The following RELT variants were observed in gnomAD, a reference collection of about 807,000 sequenced individuals.
The protein encoded by RELT is RELT TNF receptor.
Under a neutral mutation model 51.1 loss-of-function variants are expected in RELT, and 37 were observed. The observed-to-expected ratio is 0.72, with a 90% CI of 0.56 to 0.95. The LOEUF is 0.95. Among genes scored for constraint, RELT ranks in the 40% least tolerant of loss-of-function variants. RELT has a pLI of 0.00. For synonymous variants in RELT, 241 were observed against 235.7 expected, an observed-to-expected ratio of 1.02 and a Z score of -0.21; for missense variants, 535 against 572.6, an observed-to-expected ratio of 0.93 and a Z score of 0.67.
chr11:73,395,130 G>A lies in RELT; in HGVS notation c.1090G>A (p.Val364Met), dbSNP rs1866292230. ...TCCTGAGCAGCGGACAAGTTCAATG[G>A]TGTCTGAGGTGAAGACCATCACGGA... Reference protein sequence around the residue: ...RIPEQRTSSMVSEVKTITEAG... With the variant: ...RIPEQRTSSMMSEVKTITEAG... The change falls in exon 10 of 11, where the codon GTG (valine) becomes ATG (methionine). Residue 364 changes from valine to methionine, a missense_variant. By Grantham distance (21) the Val-to-Met change is conservative. Transcript: ENST00000064780. 4 of 1,613,548 alleles carry A rather than the reference G, an allele frequency of 2.5e-6. No individual in the cohort carries two copies. The highest frequency in any genetic ancestry group is 3.4e-6 in the Non-Finnish European group (4 of 1,180,014).
At chr11:73,391,346 G>A (rs1204580972) in intron 5 of RELT, 123 bp downstream of exon 5, 10 of 864,224 alleles carry the variant, frequency 1.2e-5, no homozygotes, top group Non-Finnish European at 1.8e-5. Context: ...CCAGCCCAGG[G>A]CAGGGCGTGC....
rs1866269182 is a variant in RELT, at chr11:73,394,280, A to C, written c.751A>C (p.Lys251Gln). Residue 251 changes from lysine (K) to glutamine (Q), a missense_variant, in exon 8 of 11, where the codon AAA (lysine) becomes CAA (glutamine). By Grantham distance (53) the Lys-to-Gln change is moderately conservative. Transcript: ENST00000064780. The surrounding 1 kb of genome is among the most constrained non-coding windows in gnomAD (Gnocchi z 4.9). ...GGAGCTGCTGAAAGAGTACCACAGC[A>C]AACAGCTGGTGCAGACGAGCCACAG... The part of the protein sequence containing the change: ...LEELLKEYHS[K>Q]QLVQTSHRPV... The C allele has an allele frequency of 6.2e-7, 1 of 1,612,396 alleles. No homozygotes were observed. Among genetic ancestry groups the C allele is most frequent in the African/African-American group, 1.3e-5 (1 of 74,836 alleles).
At chr11:73,393,800 C>G in intron 6 of RELT, 37 bp from the exon 7 acceptor site, 2 of 1,606,032 alleles carry the variant, frequency 1.2e-6, no homozygotes, top group Non-Finnish European at 1.7e-6. Flanking sequence ...TGCGGCTTCC[C>G]CCTCTTCCCC....
intron 1 of RELT, among the ~76,000 whole-genome samples, chr11:73,386,602 A>G (rs1335428247): frequency 6.6e-6 from 1 of 152,074 alleles, no homozygotes; most frequent in East Asian, 1.9e-4. Flanking sequence ...GAAGGTGCGT[A>G]ATTAGAAGGT....
chr11:73,388,284 G>T lies in RELT; in HGVS notation c.-25-828G>T, dbSNP rs372058696. Among the ~76,000 whole-genome samples the T allele has an allele frequency of 2.6e-5, 4 of 152,312 alleles. No individual in the cohort carries two copies. Among genetic ancestry groups the T allele is most frequent in the African/African-American group, 9.6e-5 (4 of 41,566 alleles). ...CTGGGATGGAGCTCCCTGCAGACAG[G>T]GACCTTGTCTGTCTTGTTCATACCG... On this transcript the variant is annotated intron_variant, in intron 1 of 10. Transcript: ENST00000064780. This position sits in a 1 kb window ranked among gnomAD's most constrained non-coding sequence, Gnocchi z 4.1.
Position 73,397,266 on chromosome 11 carries a change from C to T in RELT, c.*1775C>T, listed in dbSNP as rs1229850072. Reference sequence around the variant, plus strand: ...CATAGTGGTCACCTGGGCCTTATGCCCAGGGAGCCTCCAAAGCATTCAGCT... The same window carrying T: ...CATAGTGGTCACCTGGGCCTTATGCTCAGGGAGCCTCCAAAGCATTCAGCT... On this transcript the variant is annotated 3_prime_UTR_variant, in exon 11 of 11. Coordinates refer to ENST00000064780, the MANE Select transcript of RELT (RefSeq NM_152222.2). 1 of 152,146 alleles carries T rather than the reference C, an allele frequency of 6.6e-6. No homozygotes were observed. Among genetic ancestry groups the T allele is most frequent in the Non-Finnish European group, 1.5e-5 (1 of 68,028 alleles). The allele number at this position is 152,146 out of a possible 1,614,324, so 9.4% of individuals were successfully genotyped here.
chr11:73,395,417 C>T, intron 10 of RELT, 27 bp from the exon 11 acceptor site: 1 of 1,017,260 alleles, frequency 9.8e-7, no homozygotes, highest in Non-Finnish European at 1.6e-6. Flanking sequence ...CCTGACTCAG[C>T]TCTGACCCCT....
intron 1 of RELT, among the ~76,000 whole-genome samples, chr11:73,378,464 G>C (rs1866003059): frequency 6.6e-6 from 1 of 152,210 alleles, no homozygotes; most frequent in Admixed American, 6.5e-5. Context: ...CTGAGGATCA[G>C]AGAAGCAAAG....
chr11:73,377,543 A>AT (rs1370160948), intron 1 of RELT, among the ~76,000 whole-genome samples: 1 of 151,934 alleles, frequency 6.6e-6, no homozygotes, highest in African/African-American at 2.4e-5. Context: ...GCAGCAGGGT[A>AT]GGGGCCCTGT....
At chr11:73,382,691 C>T (rs1241023575) in intron 1 of RELT, among the ~76,000 whole-genome samples, 1 of 152,194 alleles carries the variant, frequency 6.6e-6, no homozygotes, top group African/African-American at 2.4e-5. Flanking sequence ...CTCTCTGAGC[C>T]TCAGTTTTTT....
Position 73,392,346 on chromosome 11 carries a change from T to A in RELT, c.503T>A (p.Ile168Asn). Residue 168 changes from isoleucine (I) to asparagine (N), a missense_variant, in exon 6 of 11, where the codon ATC becomes AAC. Transcript: ENST00000064780. ...ETAAQYAVIA[I>N]VPVFCLMGLL... ...GCCGCCCAGTACGCGGTCATCGCCA[T>A]CGTCCCTGTCTTCTGCCTCATGGGG... The A allele has an allele frequency of 1.2e-6, 2 of 1,613,816 alleles. No individual in the cohort carries two copies. Among genetic ancestry groups the A allele is most frequent in the Non-Finnish European group, 1.7e-6 (2 of 1,179,926 alleles).
chr11:73,391,261 ATG>A (rs1866210982), intron 5 of RELT, 38 bp downstream of exon 5: 1 of 1,584,262 alleles, frequency 6.3e-7, no homozygotes, highest in African/African-American at 1.3e-5. Flanking sequence ...GTGCAGGGGT[ATG>A]TGCGGGAGGG....
In RELT at chr11:73,392,197, T is replaced by G. The variant is rs759027769; in HGVS notation, c.368-14T>G. ...CTCTGCTTTTGTCCTGCCTCCATCGTCTGTGATGCTCAGAGTGGGGGCGGC... is the reference window on the plus strand; with the variant it reads ...CTCTGCTTTTGTCCTGCCTCCATCGGCTGTGATGCTCAGAGTGGGGGCGGC... On this transcript the variant is annotated splice_polypyrimidine_tract_variant and intron_variant, in intron 5 of 10. Coordinates refer to ENST00000064780, the MANE Select transcript of RELT (RefSeq NM_152222.2). The G allele has an allele frequency of 6.2e-7, 1 of 1,609,548 alleles. No individual in the cohort carries two copies. The highest frequency in any genetic ancestry group is 1.1e-5 in the South Asian group (1 of 90,662).
At chr11:73,395,315 G>A (rs774736675) in intron 10 of RELT, 30 bp downstream of exon 10, 2 of 1,610,650 alleles carry the variant, frequency 1.2e-6, no homozygotes. Flanking sequence ...GCATCTGTTG[G>A]CACCTGGGCC....
At position 73,394,498 on chromosome 11, in the gene RELT, C is replaced by T. The variant is rs1438014554; in HGVS notation, c.810C>T (p.Asn270=). 7.5e-6 allele frequency: 12 copies of T among 1,609,862 alleles called. No individual in the cohort carries two copies. Among genetic ancestry groups the T allele is most frequent in the Admixed American group, 3.3e-5 (2 of 59,976 alleles). Residue 270 remains asparagine (N), a synonymous_variant, in exon 9 of 11, where the codon AAC becomes AAT. Coordinates refer to ENST00000064780, the MANE Select transcript of RELT (RefSeq NM_152222.2). This position sits in a 1 kb window ranked among gnomAD's most constrained non-coding sequence, Gnocchi z 4.9. ...GCAGGCTGCCGCCAGCGCCCCCGAA[C>T]GTGCCACACATCTGCCCGCACCGCC... is the stretch of plus-strand genomic sequence containing the variant. ...PVSKLPPAPP[N]VPHICPHRHH...
rs2134457231 is a variant in RELT at position 73,394,989 on chromosome 11, C to T, written c.1047-98C>T. 5.2e-6 allele frequency: 6 copies of T among 1,157,980 alleles called. No individual in the cohort carries two copies. The South Asian group carries it at 8.0e-5, about 16-fold the overall frequency. 71.7% of individuals were successfully genotyped at this position (1,157,980 alleles called of 1,614,324 possible). ...CACCCGGGCCTCTCAGGCTAAGGCT[C>T]TGGTCCATGAACTTGCTGTGTGACC... On this transcript the variant is annotated intron_variant, in intron 9 of 10. Transcript: ENST00000064780. The surrounding 1 kb of genome is among the most constrained non-coding windows in gnomAD (Gnocchi z 4.9).
intron 10 of RELT, 73 bp from the exon 11 acceptor site, chr11:73,395,371 A>G: frequency 6.9e-7 from 1 of 1,458,164 alleles, no homozygotes; most frequent in Non-Finnish European, 9.6e-7. Flanking sequence ...AGCGGGCCCT[A>G]GGCAGGGGCC....
chr11:73,390,791 C>T lies in RELT; in HGVS notation c.157C>T (p.Pro53Ser). The change falls in exon 4 of 11, where the codon CCA becomes TCA. Residue 53 changes from proline to serine, a missense_variant. Physicochemically the swap from Pro to Ser is moderately conservative, Grantham distance 74. Transcript: ENST00000064780. ...GQGTLCRPCP[P>S]GTFSAAWGSS... ...GGGCACATTATGCAGGCCCTGCCCC[C>T]CAGGCACCTTCTCAGCTGCATGGGG... is the stretch of plus-strand genomic sequence containing the variant. 6.2e-7 allele frequency: 1 copy of T among 1,611,268 alleles called. No homozygotes were observed. Among genetic ancestry groups the T allele is most frequent in the Non-Finnish European group, 8.5e-7 (1 of 1,179,136 alleles).
chr11:73,391,167 C>T lies in RELT; in HGVS notation c.311C>T (p.Pro104Leu). ...AGGTGGTTTGGGCCTTGGGGGGTTC[C>T]CCGCGTTCCATGTCAACCATGTTCC... The part of the protein sequence containing the change: ...WPGWFGPWGV[P>L]RVPCQPCSWA... The change falls in exon 5 of 11, where the codon CCC (proline) becomes CTC (leucine). Residue 104 changes from proline to leucine, a missense_variant. By Grantham distance (98) the Pro-to-Leu change is moderately conservative. Coordinates refer to ENST00000064780, the MANE Select transcript of RELT (RefSeq NM_152222.2). 16 of 1,613,900 alleles carry T rather than the reference C, an allele frequency of 9.9e-6. No individual in the cohort carries two copies. The highest frequency in any genetic ancestry group is 1.4e-5 in the Non-Finnish European group (16 of 1,179,928).
Sources: allele counts gnomAD v4.1 joint callset (sites outside exome capture counted in the v4.1 genomes callset), GRCh38; gene constraint gnomAD v4.1.1; non-coding constraint Gnocchi (gnomAD v3.1); transcripts MANE v1.5; gene names NCBI Gene and HGNC (gene_info 2026-07-23, HGNC 2026-07-21).